Variants in LOC122539214 observed in about 807,000 individuals in gnomAD.
the LOC122539214 span, among the ~76,000 whole-genome samples, chr19:52,674,505 C>T: frequency 0.37 from 56,450 of 151,902 alleles, 11,108 homozygotes; most frequent in Non-Finnish European, 0.44. Context: ...GTAGATGACA[C>T]GATCCTCTGT....
At chr19:52,685,933 A>G in the LOC122539214 span, among the ~76,000 whole-genome samples, 1 of 150,286 alleles carries the variant, frequency 6.7e-6, no homozygotes, top group Non-Finnish European at 1.5e-5. Context: ...AAAATACAGG[A>G]GTGCTTCTGG....
At chr19:52,667,224 G>GA in the LOC122539214 span, among the ~76,000 whole-genome samples, 367 of 86,042 alleles carry the variant, frequency 4.3e-3, no homozygotes, top group South Asian at 0.013. Context: ...TATCATCTTT[G>GA]AAAAAAAAAA....
the LOC122539214 span, among the ~76,000 whole-genome samples, chr19:52,665,485 G>A: frequency 6.6e-6 from 1 of 151,936 alleles, no homozygotes; most frequent in Non-Finnish European, 1.5e-5. Flanking sequence ...CCTTACATTT[G>A]TTATTTTATG....
the LOC122539214 span, among the ~76,000 whole-genome samples, chr19:52,680,315 G>A: frequency 5.9e-5 from 9 of 152,162 alleles, no homozygotes; most frequent in Non-Finnish European, 1.3e-4. Flanking sequence ...CTAGGTACCT[G>A]TAGCTCTCCC....
the LOC122539214 span, among the ~76,000 whole-genome samples, chr19:52,662,146 C>T: frequency 1.7e-3 from 258 of 152,316 alleles, 1 homozygote; most frequent in African/African-American, 6.0e-3. Context: ...TCACGCCTTT[C>T]ATGTATACAC....
At chr19:52,662,167 T>G in the LOC122539214 span, among the ~76,000 whole-genome samples, 1 of 152,212 alleles carries the variant, frequency 6.6e-6, no homozygotes, top group African/African-American at 2.4e-5. Flanking sequence ...ACAACTTTTC[T>G]TTACGTTATA....
the LOC122539214 span, among the ~76,000 whole-genome samples, chr19:52,680,747 G>C: frequency 2.1e-5 from 3 of 142,694 alleles, no homozygotes; most frequent in Non-Finnish European, 3.0e-5. Flanking sequence ...CGAGTAACTG[G>C]GACTACAGGC....
chr19:52,687,130 G>A, the LOC122539214 span, among the ~76,000 whole-genome samples: 1 of 148,752 alleles, frequency 6.7e-6, no homozygotes, highest in African/African-American at 2.5e-5. Flanking sequence ...GCACTAAGCT[G>A]AGATTGCAAC....
chr19:52,679,220 T>C, the LOC122539214 span, among the ~76,000 whole-genome samples: 493 of 152,320 alleles, frequency 3.2e-3, 4 homozygotes, highest in African/African-American at 0.011. Context: ...AGGAGGAATT[T>C]TAACACCACT....
At chr19:52,684,940 GT>G in the LOC122539214 span, among the ~76,000 whole-genome samples, 2 of 152,202 alleles carry the variant, frequency 1.3e-5, no homozygotes, top group African/African-American at 4.8e-5. Flanking sequence ...CGGGAAGCCG[GT>G]GGAGGGTTCC....
chr19:52,674,496 T>C, the LOC122539214 span, among the ~76,000 whole-genome samples: 1 of 152,210 alleles, frequency 6.6e-6, no homozygotes, highest in East Asian at 1.9e-4. Flanking sequence ...TATTTGTTTG[T>C]AGATGACACG....
At chr19:52,667,293 C>A in the LOC122539214 span, among the ~76,000 whole-genome samples, 5 of 148,892 alleles carry the variant, frequency 3.4e-5, no homozygotes, top group African/African-American at 1.2e-4. Context: ...AAATTCTTGT[C>A]CTAAAATAAA....
the LOC122539214 span, among the ~76,000 whole-genome samples, chr19:52,688,278 C>G: frequency 1.3e-5 from 2 of 151,994 alleles, no homozygotes; most frequent in Non-Finnish European, 2.9e-5. Context: ...TCAAGTGATC[C>G]TCCTCCCTTG....
chr19:52,687,647 A>G, the LOC122539214 span, among the ~76,000 whole-genome samples: 115 of 17,258 alleles, frequency 6.7e-3, 6 homozygotes, highest in African/African-American at 0.065. Flanking sequence ...ATATATATAT[A>G]TATATATATA....
the LOC122539214 span, among the ~76,000 whole-genome samples, chr19:52,677,837 G>C: frequency 6.6e-6 from 1 of 151,954 alleles, no homozygotes; most frequent in African/African-American, 2.4e-5. Context: ...TTCAAGACCA[G>C]CCTGACTAGC....
At chr19:52,655,597 C>T in the LOC122539214 span, 146 of 1,504,140 alleles carry the variant, frequency 9.7e-5, no homozygotes, top group South Asian at 8.2e-4. Flanking sequence ...TCCAACATCA[C>T]GGCCCTGTAT....
chr19:52,681,081 T>G, the LOC122539214 span, among the ~76,000 whole-genome samples: 1 of 151,550 alleles, frequency 6.6e-6, no homozygotes, highest in Non-Finnish European at 1.5e-5. Context: ...GGTCAAGAGT[T>G]GGAAACCAGC....
At chr19:52,657,675 C>T in the LOC122539214 span, among the ~76,000 whole-genome samples, 1 of 151,988 alleles carries the variant, frequency 6.6e-6, no homozygotes, top group African/African-American at 2.4e-5. Flanking sequence ...TAGAGAAACC[C>T]CGTCTCTACT....
At chr19:52,660,791 CT>C in the LOC122539214 span, 1 of 211,546 alleles carries the variant, frequency 4.7e-6, no homozygotes, top group Admixed American at 4.6e-5. Flanking sequence ...GTCTCCTTTT[CT>C]TTGGTCTTCT....
Sources: gnomAD v4.1 joint callset for allele counts (sites outside exome capture counted in the v4.1 genomes callset) on GRCh38, gnomAD v4.1.1 for gene constraint, MANE v1.5 for transcripts.